TENM1: variants seen among roughly 807,000 people sequenced by gnomAD.
TENM1 encodes teneurin-1.
In TENM1, 35 loss-of-function variants were observed where a neutral mutation model predicts 174.8. The observed-to-expected ratio is 0.20, with a 90% CI of 0.15 to 0.27. The LOEUF is 0.27. Ranked by LOEUF, TENM1 falls within the 10% of genes least tolerant of loss-of-function variation. The pLI is 1.00. For synonymous variants in TENM1, 781 were observed against 798.7 expected (o/e 0.98, Z 0.37); for missense variants, 1,633 against 2,130.1 (o/e 0.77, Z 4.59).
At chrX:124,616,813 T>A (rs765892782) in intron 11 of TENM1, among the ~76,000 whole-genome samples, 2 of 111,364 alleles carry the variant, frequency 1.8e-5, no homozygotes, top group African/African-American at 6.5e-5. Flanking sequence ...ACATAGAAAA[T>A]TGACTTCATG....
intron 3 of TENM1, among the ~76,000 whole-genome samples, chrX:124,770,942 T>C (rs1215914295): frequency 1.8e-5 from 2 of 112,008 alleles, no homozygotes; most frequent in Non-Finnish European, 3.8e-5. Flanking sequence ...ACTTAGAAAA[T>C]GTAGATACTG....
chrX:124,931,953 C>T (rs749689530), intron 1 of TENM1, among the ~76,000 whole-genome samples: 2 of 111,009 alleles, frequency 1.8e-5, no homozygotes, highest in Non-Finnish European at 3.8e-5. Context: ...AATTGTTTCG[C>T]CTTTAACTGT....
intron 22 of TENM1, 23 bp downstream of exon 25, chrX:124,481,709 A>ATATT (rs762229071): frequency 1.6e-4 from 66 of 401,066 alleles, no homozygotes; most frequent in African/African-American, 1.3e-3. Flanking sequence ...ATATATATAT[A>ATATT]TATTTATTTA....
chrX:124,484,391 C>T (rs1376366768), intron 21 of TENM1, among the ~76,000 whole-genome samples: 1 of 111,670 alleles, frequency 9.0e-6, no homozygotes, highest in Non-Finnish European at 1.9e-5. Flanking sequence ...CTATGCGTAG[C>T]CAACACTTAA....
intron 25 of TENM1, among the ~76,000 whole-genome samples, chrX:124,408,358 G>T (rs1208383373): frequency 3.5e-5 from 3 of 86,441 alleles, no homozygotes; most frequent in Non-Finnish European, 6.9e-5. Context: ...GGCCAGACTG[G>T]TATCCAACTC....
intron 11 of TENM1, among the ~76,000 whole-genome samples, chrX:124,636,589 T>G (rs1218668299): frequency 1.8e-5 from 2 of 112,079 alleles, no homozygotes; most frequent in African/African-American, 3.2e-5. Flanking sequence ...TTCAGCAAAC[T>G]AATCTATTCA....
the TENM1 span, among the ~76,000 whole-genome samples, chrX:125,167,583 G>A: frequency 9.0e-6 from 1 of 110,610 alleles, no homozygotes; most frequent in African/African-American, 3.3e-5. Flanking sequence ...CATAAACATG[G>A]CATAGAAAAC....
chrX:124,984,580 G>C, the TENM1 span, among the ~76,000 whole-genome samples: 52 of 111,959 alleles, frequency 4.6e-4, no homozygotes, highest in Non-Finnish European at 9.2e-4. Context: ...ATGGGGTTGA[G>C]TTCTTACTGA....
chrX:124,745,995 C>T (rs1227874032), intron 3 of TENM1, among the ~76,000 whole-genome samples: 1 of 111,584 alleles, frequency 9.0e-6, no homozygotes, highest in Non-Finnish European at 1.9e-5. Context: ...GTAGGAAGGA[C>T]AGAGAAAGTT....
intron 14 of TENM1, among the ~76,000 whole-genome samples, chrX:124,553,907 C>G (rs2148139305): frequency 9.0e-6 from 1 of 111,564 alleles, no homozygotes; most frequent in South Asian, 3.8e-4. Flanking sequence ...GAGTTTGAGA[C>G]AAGCCTGGCC....
At chrX:124,840,305 T>C (rs2056472070) in intron 3 of TENM1, among the ~76,000 whole-genome samples, 1 of 111,696 alleles carries the variant, frequency 9.0e-6, no homozygotes. Flanking sequence ...TCAAGACTGA[T>C]CTGCTTCATA....
the TENM1 span, among the ~76,000 whole-genome samples, chrX:125,121,230 C>T: frequency 4.5e-5 from 5 of 111,174 alleles, no homozygotes; most frequent in African/African-American, 1.6e-4. Context: ...GATCTATATA[C>T]CAGAAGACTA....
upstream of TENM1, among the ~76,000 whole-genome samples, chrX:124,967,464 C>T (rs1371704107): frequency 1.8e-5 from 2 of 111,541 alleles, no homozygotes; most frequent in East Asian, 2.8e-4. Context: ...CTTTTCTTTT[C>T]ATGGAACGCC....
At chrX:124,658,043 C>T (rs1201432807) in intron 6 of TENM1, among the ~76,000 whole-genome samples, 1 of 111,479 alleles carries the variant, frequency 9.0e-6, no homozygotes, top group Non-Finnish European at 1.9e-5. Context: ...AACAAGTCTT[C>T]GCAAATTTAG....
chrX:125,154,416 G>A, the TENM1 span, among the ~76,000 whole-genome samples: 2 of 112,047 alleles, frequency 1.8e-5, no homozygotes, highest in Non-Finnish European at 3.8e-5. Flanking sequence ...GGAAGTTACA[G>A]CAAGAGTATA....
intron 23 of TENM1, among the ~76,000 whole-genome samples, chrX:124,425,685 A>C (rs372435089): frequency 4.4e-4 from 50 of 112,458 alleles, no homozygotes; most frequent in African/African-American, 1.6e-3. Context: ...TATAGCAACA[A>C]AAAACAGACT....
chrX:124,720,130 T>C (rs1056736966), intron 4 of TENM1, among the ~76,000 whole-genome samples: 1 of 111,551 alleles, frequency 9.0e-6, no homozygotes, highest in African/African-American at 3.3e-5. Context: ...CCCCAAATCA[T>C]CCGAATGGAC....
At chrX:124,878,783 G>A (rs1251199051) in intron 3 of TENM1, among the ~76,000 whole-genome samples, 8 of 111,561 alleles carry the variant, frequency 7.2e-5, no homozygotes, top group Admixed American at 1.9e-4. Context: ...GATGGGGCTA[G>A]TGTCCTAGGT....
chrX:124,562,964 G>A (rs1032161272), intron 13 of TENM1, among the ~76,000 whole-genome samples: 11 of 111,662 alleles, frequency 9.9e-5, no homozygotes, highest in South Asian at 7.5e-4. Flanking sequence ...CAGACAAGAG[G>A]AAGAAAAAAT....
Sources: allele counts gnomAD v4.1 joint callset (sites outside exome capture counted in the v4.1 genomes callset), GRCh38; gene constraint gnomAD v4.1.1; transcripts MANE v1.5; gene names NCBI Gene and HGNC (gene_info 2026-07-23, HGNC 2026-07-21).